The following CDK14 variants were observed in gnomAD, a reference collection of about 807,000 sequenced individuals.
CDK14 encodes cyclin dependent kinase 14, also known as cyclin-dependent kinase 14.
In CDK14, 34 loss-of-function variants were observed where a neutral mutation model predicts 60.7. The observed-to-expected ratio is 0.56, with a 90% CI of 0.43 to 0.75. The LOEUF is 0.75. Ranked by LOEUF, CDK14 falls within the 30% of genes least tolerant of loss-of-function variation. CDK14 has a pLI of 0.00. For missense variants in CDK14, 482 were observed against 564.1 expected (o/e 0.85, Z 1.47); for synonymous variants, 197 against 203.7 (o/e 0.97, Z 0.28).
At chr7:91,044,638 C>T (rs1366773511) in intron 10 of CDK14, among the ~76,000 whole-genome samples, 1 of 152,050 alleles carries the variant, frequency 6.6e-6, no homozygotes, top group Non-Finnish European at 1.5e-5. Flanking sequence ...AGGAGGGGTC[C>T]GTTCAGATGG....
intron 12 of CDK14, among the ~76,000 whole-genome samples, chr7:91,090,884 C>A (rs1418474996): frequency 6.6e-6 from 1 of 151,884 alleles, no homozygotes; most frequent in Non-Finnish European, 1.5e-5. Flanking sequence ...TCACTCGTCA[C>A]CTGTTTGTAT....
intron 10 of CDK14, among the ~76,000 whole-genome samples, chr7:91,025,788 G>C (rs7779423): frequency 0.16 from 24,527 of 152,168 alleles, 2,137 homozygotes; most frequent in Non-Finnish European, 0.18. Flanking sequence ...AGCAGTGAAG[G>C]TTTTCTTCCT....
At chr7:90,736,344 G>GCT (rs1563063351) in intron 3 of CDK14, among the ~76,000 whole-genome samples, 1 of 41,034 alleles carries the variant, frequency 2.4e-5, no homozygotes, top group African/African-American at 9.0e-5. Context: ...ACTTTATTAT[G>GCT]TTTTTGTTTT....
intron 2 of CDK14, among the ~76,000 whole-genome samples, chr7:90,630,365 T>G (rs1466355280): frequency 6.6e-6 from 1 of 152,180 alleles, no homozygotes; most frequent in Non-Finnish European, 1.5e-5. Flanking sequence ...TTACTGTAGG[T>G]AGTTGTAACA....
At chr7:91,125,871 T>C (rs1200493746) in intron 14 of CDK14, among the ~76,000 whole-genome samples, 1 of 152,180 alleles carries the variant, frequency 6.6e-6, no homozygotes, top group African/African-American at 2.4e-5. Flanking sequence ...TTAATTGCTC[T>C]GGATTATCAT....
chr7:90,983,912 T>A (rs1374160814), intron 9 of CDK14, among the ~76,000 whole-genome samples: 2 of 152,150 alleles, frequency 1.3e-5, no homozygotes, highest in Non-Finnish European at 1.5e-5. Flanking sequence ...TATTGGGTAC[T>A]ACGTTCAGTA....
At chr7:90,923,607 G>A (rs918890346) in intron 8 of CDK14, among the ~76,000 whole-genome samples, 8 of 152,152 alleles carry the variant, frequency 5.3e-5, no homozygotes, top group Non-Finnish European at 8.8e-5. Flanking sequence ...TGGAAATGAG[G>A]AAATTTGAAA....
chr7:90,885,826 C>T (rs1016415138), intron 6 of CDK14, among the ~76,000 whole-genome samples: 1 of 152,112 alleles, frequency 6.6e-6, no homozygotes, highest in Admixed American at 6.6e-5. Flanking sequence ...AAACCAAATA[C>T]TGCATGTTCT....
chr7:90,686,566 A>G (rs9655990), intron 2 of CDK14, among the ~76,000 whole-genome samples: 128,163 of 152,166 alleles, frequency 0.84, 54,148 homozygotes, highest in East Asian at 0.98. Flanking sequence ...AAATTGAAGG[A>G]CACTATTATC....
intron 9 of CDK14, among the ~76,000 whole-genome samples, chr7:90,971,175 T>G (rs1794918800): frequency 2.6e-5 from 4 of 151,838 alleles, no homozygotes; most frequent in Admixed American, 2.6e-4. Context: ...TTGTCTCGTT[T>G]TAAAGATAGT....
At chr7:90,735,410 C>T (rs1584837215) in intron 3 of CDK14, among the ~76,000 whole-genome samples, 5 of 152,340 alleles carry the variant, frequency 3.3e-5, no homozygotes, top group Admixed American at 3.3e-4. Context: ...GCTGCGCCCA[C>T]AGCCGCCCCT....
intron 10 of CDK14, among the ~76,000 whole-genome samples, chr7:91,037,597 A>G (rs1796971544): frequency 6.6e-6 from 1 of 152,200 alleles, no homozygotes; most frequent in South Asian, 2.1e-4. Context: ...TCTTCAAAGC[A>G]TGGTCTCTCT....
At position 90,669,523 on chromosome 7, in the gene CDK14, A is replaced by T. The variant is rs117503065; in HGVS notation, c.124-57044A>T. Among the ~76,000 whole-genome samples, 3 of 152,360 alleles carry T rather than the reference A, an allele frequency of 2.0e-5. No homozygotes were observed. The East Asian group carries it at 5.8e-4, about 29-fold the overall frequency. ...AATTAGTGAGAAAGAAAACTGCTGT[A>T]GCCTGGAATATTGCTGCCTTACCAC... On this transcript the variant is annotated intron_variant, in intron 2 of 14. Transcript: ENST00000380050.
At chr7:90,632,007 A>G in intron 2 of CDK14, 1 of 143,864 alleles carries the variant, frequency 7.0e-6, no homozygotes, top group East Asian at 2.5e-4. Context: ...AGAATAGGGG[A>G]TTAAAAACAA....
chr7:90,731,686 A>AT (rs1268722400), intron 3 of CDK14, among the ~76,000 whole-genome samples: 5 of 152,082 alleles, frequency 3.3e-5, no homozygotes, highest in East Asian at 1.9e-4. Flanking sequence ...TTGCACATTG[A>AT]TTTTTTATCC....
chr7:90,622,754 T>G (rs1413623049), intron 2 of CDK14, among the ~76,000 whole-genome samples: 1 of 152,020 alleles, frequency 6.6e-6, no homozygotes, highest in Non-Finnish European at 1.5e-5. Context: ...TGACTGTGTT[T>G]TTACTGAAAG....
intron 8 of CDK14, among the ~76,000 whole-genome samples, chr7:90,932,217 G>A (rs1009958998): frequency 1.3e-5 from 2 of 152,080 alleles, no homozygotes; most frequent in African/African-American, 2.4e-5. Flanking sequence ...TGAAACTGTG[G>A]TCTGCGGCTG....
At chr7:90,753,112 G>A (rs1255551554) in intron 4 of CDK14, among the ~76,000 whole-genome samples, 1 of 152,090 alleles carries the variant, frequency 6.6e-6, no homozygotes, top group Non-Finnish European at 1.5e-5. Context: ...AAAAAATTGA[G>A]GAAGATGGAC....
chr7:90,996,547 A>T (rs1036613336), intron 10 of CDK14, among the ~76,000 whole-genome samples: 2 of 152,244 alleles, frequency 1.3e-5, no homozygotes, highest in South Asian at 4.1e-4. Flanking sequence ...CTTAGAGAAC[A>T]GTTTTATTCT....
Sources: allele counts gnomAD v4.1 joint callset (sites outside exome capture counted in the v4.1 genomes callset), GRCh38; gene constraint gnomAD v4.1.1; transcripts MANE v1.5; gene names NCBI Gene and HGNC (gene_info 2026-07-23, HGNC 2026-07-21).